FGF14: variants seen among roughly 807,000 people sequenced by gnomAD.
FGF14 encodes the protein fibroblast growth factor homologous factor 4.
FGF14 carries 5 observed loss-of-function variants against 25.5 expected under a neutral mutation model. That is an observed-to-expected ratio of 0.20 (90% CI 0.10 to 0.41). The LOEUF (loss-of-function observed/expected upper bound fraction) is 0.41, where lower values mean the gene tolerates loss of function less well. Among genes scored for constraint, FGF14 ranks in the 10% least tolerant of loss-of-function variants. FGF14 has a pLI of 1.00. For missense variants in FGF14, 222 were observed against 320.1 expected, an observed-to-expected ratio of 0.69 and a Z score of 2.34; for synonymous variants, 138 against 118.3, an observed-to-expected ratio of 1.17 and a Z score of -1.08.
At chr13:101,999,224 A>G (rs1469574900) in intron 1 of FGF14, among the ~76,000 whole-genome samples, 1 of 152,242 alleles carries the variant, frequency 6.6e-6, no homozygotes, top group Non-Finnish European at 1.5e-5. Flanking sequence ...ATATAGATTA[A>G]TAAGTGATAA....
At chr13:101,817,208 A>G (rs1462225117) in intron 3 of FGF14, among the ~76,000 whole-genome samples, 1 of 152,218 alleles carries the variant, frequency 6.6e-6, no homozygotes, top group African/African-American at 2.4e-5. Flanking sequence ...AATACTAGCA[A>G]AGCTCAGGCT....
At chr13:102,378,568 T>C (rs77769843) in intron 1 of FGF14, among the ~76,000 whole-genome samples, 1 of 151,490 alleles carries the variant, frequency 6.6e-6, no homozygotes, top group African/African-American at 2.4e-5. Context: ...CATTCTAGGT[T>C]TTACATTAAG....
chr13:101,716,449 CTG>C lies in FGF14; in HGVS notation c.*6380_*6381del, dbSNP rs2034725093. 2 of 152,092 alleles carry C rather than the reference CTG, an allele frequency of 1.3e-5. No individual in the cohort carries two copies. Among genetic ancestry groups the C allele is most frequent in the South Asian group, 4.1e-4 (2 of 4,824 alleles). 9.4% of individuals were successfully genotyped at this position (152,092 alleles called of 1,614,324 possible). On this transcript the variant is annotated 3_prime_UTR_variant, in exon 5 of 5. Coordinates refer to ENST00000376143, the MANE Select transcript of FGF14 (RefSeq NM_004115.4). Reference sequence around the variant, plus strand: ...AATAGTGACAGAAGTTGTTTATACTCTGTGTCAGTATATATATCTACTGATAA... The same window carrying C: ...AATAGTGACAGAAGTTGTTTATACTCTGTCAGTATATATATCTACTGATAA...
intron 1 of FGF14, among the ~76,000 whole-genome samples, chr13:102,214,411 A>C (rs1163242379): frequency 6.6e-6 from 1 of 152,226 alleles, no homozygotes; most frequent in Non-Finnish European, 1.5e-5. Context: ...AAATATATAC[A>C]AATGTATATA....
At chr13:101,738,862 C>T (rs544447370) in intron 3 of FGF14, among the ~76,000 whole-genome samples, 1 of 148,274 alleles carries the variant, frequency 6.7e-6, no homozygotes, top group African/African-American at 2.5e-5. Flanking sequence ...TATATATACC[C>T]ACACACACAC....
At chr13:102,104,627 C>G (rs143582571) in intron 1 of FGF14, among the ~76,000 whole-genome samples, 48 of 152,108 alleles carry the variant, frequency 3.2e-4, no homozygotes, top group African/African-American at 1.1e-3. Context: ...AATACACACA[C>G]ACACACAAAT....
At position 101,714,464 on chromosome 13, in the gene FGF14, T is replaced by C; in HGVS notation, c.*8367A>G. On this transcript the variant is annotated 3_prime_UTR_variant, in exon 5 of 5. Transcript: ENST00000376143. Reference sequence around the variant, plus strand: ...TTCTTGTCATTGTGGGAAGTGCATTTGTTCTGCTGAAGAGTGGTATATTTC... The same window carrying C: ...TTCTTGTCATTGTGGGAAGTGCATTCGTTCTGCTGAAGAGTGGTATATTTC... 6.2e-7 allele frequency: 1 copy of C among 1,610,930 alleles called. No individual in the cohort carries two copies. The highest frequency in any genetic ancestry group is 1.1e-5 in the South Asian group (1 of 90,946).
chr13:102,127,497 T>A (rs902316003), intron 1 of FGF14, among the ~76,000 whole-genome samples: 1 of 147,348 alleles, frequency 6.8e-6, no homozygotes, highest in Non-Finnish European at 1.5e-5. Context: ...ACTCTTCTTA[T>A]TCTGTAAGAG....
chr13:101,952,344 G>A (rs771155689), intron 1 of FGF14, among the ~76,000 whole-genome samples: 49 of 151,664 alleles, frequency 3.2e-4, no homozygotes, highest in Non-Finnish European at 5.6e-4. Context: ...TTTAAAATGA[G>A]GACTTCTCTA....
rs192089868 is a variant in FGF14 at position 101,903,032 on chromosome 13, G to C, written c.193+13421C>G. Among the ~76,000 whole-genome samples, 713 of 152,212 alleles carry C rather than the reference G, an allele frequency of 4.7e-3. 12 individuals are homozygous for C. The highest frequency in any genetic ancestry group is 4.3e-3 in the Non-Finnish European group (291 of 68,018). On this transcript the variant is annotated intron_variant, in intron 1 of 4. Coordinates refer to ENST00000376143, the MANE Select transcript of FGF14 (RefSeq NM_004115.4). ...TCATCCAATGTTGCCATCTAGATCA[G>C]CTTGCCAGTTTTCTGGGGTTTTTTG...
intron 1 of FGF14, among the ~76,000 whole-genome samples, chr13:102,022,305 A>G (rs976107856): frequency 6.6e-6 from 1 of 152,090 alleles, no homozygotes; most frequent in East Asian, 1.9e-4. Flanking sequence ...TTAAATGAAA[A>G]TGAGAGGAGA....
intron 1 of FGF14, among the ~76,000 whole-genome samples, chr13:102,152,844 T>C (rs2047148210): frequency 6.6e-6 from 1 of 152,260 alleles, no homozygotes; most frequent in South Asian, 2.1e-4. Context: ...TGAACTAATG[T>C]TTCAAGTTCT....
At chr13:101,877,970 C>G (rs1056956401) in intron 1 of FGF14, among the ~76,000 whole-genome samples, 13 of 152,164 alleles carry the variant, frequency 8.5e-5, no homozygotes, top group African/African-American at 3.1e-4. Context: ...CCCCTCATTA[C>G]CTCTCTTAGG....
At chr13:102,192,011 TA>T (rs1337011159) in intron 1 of FGF14, among the ~76,000 whole-genome samples, 1 of 152,236 alleles carries the variant, frequency 6.6e-6, no homozygotes, top group Non-Finnish European at 1.5e-5. Flanking sequence ...TAATGCCATT[TA>T]TTCTAGACCT....
At chr13:101,948,295 C>G (rs1334041193) in intron 1 of FGF14, among the ~76,000 whole-genome samples, 1 of 151,900 alleles carries the variant, frequency 6.6e-6, no homozygotes, top group Non-Finnish European at 1.5e-5. Context: ...TATAGCATGC[C>G]AAATGCAAAT....
intron 1 of FGF14, among the ~76,000 whole-genome samples, chr13:102,191,981 C>G (rs2049141878): frequency 6.6e-6 from 1 of 152,192 alleles, no homozygotes. Context: ...TCTTAAGTCT[C>G]AAGATATCTC....
chr13:101,947,231 G>A (rs1181414493), intron 1 of FGF14, among the ~76,000 whole-genome samples: 1 of 152,178 alleles, frequency 6.6e-6, no homozygotes, highest in South Asian at 2.1e-4. Context: ...TACACTGTTG[G>A]TGGGAATATA....
intron 1 of FGF14, among the ~76,000 whole-genome samples, chr13:101,926,650 C>A (rs545512838): frequency 2.6e-5 from 4 of 152,230 alleles, no homozygotes; most frequent in Admixed American, 1.3e-4. Context: ...AGATTTAAGG[C>A]CATAGAATCT....
intron 1 of FGF14, among the ~76,000 whole-genome samples, chr13:102,078,937 G>C (rs1050499986): frequency 8.5e-5 from 13 of 152,192 alleles, no homozygotes; most frequent in African/African-American, 2.4e-5. Flanking sequence ...TGGGTAAGAA[G>C]TCCTGTGGAC....
Sources: gnomAD v4.1 joint callset for allele counts (sites outside exome capture counted in the v4.1 genomes callset) on GRCh38, gnomAD v4.1.1 for gene constraint, MANE v1.5 for transcripts, NCBI Gene and HGNC (gene_info 2026-07-23, HGNC 2026-07-21) for gene names.